Variants in UGT2B7 observed in about 807,000 individuals in gnomAD.
UGT2B7 encodes the protein UDP-glucuronosyltransferase 2B7.
UGT2B7 carries 51 observed loss-of-function variants against 51.9 expected under a neutral mutation model. That is an observed-to-expected ratio of 0.98 (90% CI 0.78 to 1.24). UGT2B7 has a LOEUF of 1.24. Among genes scored for constraint, UGT2B7 ranks in the 50% most tolerant of loss-of-function variants. UGT2B7 has a pLI of 0.00. For synonymous variants in UGT2B7, 225 were observed against 211.6 expected (o/e 1.06, Z -0.55); for missense variants, 727 against 628.4 (o/e 1.16, Z -1.68).
At chr4:69,091,537 G>A (rs749582014), upstream of UGT2B7, among the ~76,000 whole-genome samples, 4 of 151,920 alleles carry the variant, frequency 2.6e-5, no homozygotes, top group Non-Finnish European at 4.4e-5. Flanking sequence ...AAAATAAAGC[G>A]TGGCCATTCA....
At chr4:69,092,570 GAAAAAGTAAAATATAAAATAT>G (rs377337102), upstream of UGT2B7, among the ~76,000 whole-genome samples, 3,324 of 147,926 alleles carry the variant, frequency 0.022, 127 homozygotes, top group African/African-American at 0.078. Flanking sequence ...GACCTTTCTG[GAAAAAGTAAAATATAAAATAT>G]AAAAAGTAAA....
At chr4:69,091,905 G>C (rs1440868863), upstream of UGT2B7, among the ~76,000 whole-genome samples, 1 of 152,150 alleles carries the variant, frequency 6.6e-6, no homozygotes, top group Non-Finnish European at 1.5e-5. Flanking sequence ...ATAATCTTGA[G>C]AATTCAAATG....
At chr4:69,053,934 T>C (rs978715791) in intron 1 of UGT2B7, among the ~76,000 whole-genome samples, 2 of 152,022 alleles carry the variant, frequency 1.3e-5, no homozygotes, top group Non-Finnish European at 1.5e-5. Context: ...TAATAAGATA[T>C]CATAAAGCGA....
intron 1 of UGT2B7, among the ~76,000 whole-genome samples, chr4:69,060,209 A>G (rs1294487621): frequency 6.6e-6 from 1 of 152,192 alleles, no homozygotes; most frequent in African/African-American, 2.4e-5. Flanking sequence ...CAGGATATAA[A>G]GTGTCAGGGA....
At chr4:69,099,691 T>A (rs1241741048) in intron 2 of UGT2B7, among the ~76,000 whole-genome samples, 3 of 152,092 alleles carry the variant, frequency 2.0e-5, no homozygotes. Context: ...AAAGTGTCTC[T>A]GGAATATAGT....
At chr4:69,100,332 A>AT (rs35185848) in intron 2 of UGT2B7, among the ~76,000 whole-genome samples, 2 of 151,600 alleles carry the variant, frequency 1.3e-5, no homozygotes, top group Non-Finnish European at 2.9e-5. Context: ...ATAAGATTAT[A>AT]TTTTTTATGA....
At position 69,108,330 on chromosome 4, in the gene UGT2B7, G is replaced by T. The variant is rs765148488; in HGVS notation, c.1310+8G>T. 63 of 1,611,926 alleles carry T rather than the reference G, an allele frequency of 3.9e-5. No individual in the cohort carries two copies. The East Asian group carries it at 5.1e-4, about 13-fold the overall frequency. ...AGTAATTAATGATCCTTCGTGAGTA[G>T]AACAATATTTTTCACTAGGTGGTAT... On this transcript the variant is annotated splice_region_variant and intron_variant, in intron 5 of 5. Coordinates refer to ENST00000305231, the MANE Select transcript of UGT2B7 (RefSeq NM_001074.4).
chr4:69,059,388 C>T (rs1163023261), intron 1 of UGT2B7, among the ~76,000 whole-genome samples: 1 of 152,158 alleles, frequency 6.6e-6, no homozygotes, highest in Admixed American at 6.5e-5. Flanking sequence ...TGGGAAGAGA[C>T]CTACTTCAAA....
At chr4:69,080,951 T>C (rs1168374366) in intron 1 of UGT2B7, among the ~76,000 whole-genome samples, 1 of 151,854 alleles carries the variant, frequency 6.6e-6, no homozygotes, top group Non-Finnish European at 1.5e-5. Flanking sequence ...ATGTGTAACA[T>C]AAAAAAAACA....
At position 69,098,276 on chromosome 4, in the gene UGT2B7, T is replaced by C. The variant is rs148765474; in HGVS notation, c.722-264T>C. Reference sequence around the variant, plus strand: ...TCTATGGCTCATTTTAATAATTGTTTATGATTATGAGCATACTGATGCGAC... The same window carrying C: ...TCTATGGCTCATTTTAATAATTGTTCATGATTATGAGCATACTGATGCGAC... On this transcript the variant is annotated intron_variant, in intron 1 of 5. Transcript: ENST00000305231. 2.2e-4 allele frequency among the ~76,000 whole-genome samples: 33 copies of C among 152,168 alleles called. 1 individual carries two copies. The highest frequency in any genetic ancestry group is 7.5e-4 in the African/African-American group (31 of 41,560).
chr4:69,109,889 A>T lies in UGT2B7; in HGVS notation c.1310+1567A>T, dbSNP rs555437127. On this transcript the variant is annotated intron_variant, in intron 5 of 5. Coordinates refer to ENST00000305231, the MANE Select transcript of UGT2B7 (RefSeq NM_001074.4). ...AGGAATACTTGAAAAATACTTTATC[A>T]CAAAAAAAGAAGGATAATGAATGAT... is the stretch of plus-strand genomic sequence containing the variant. 4.6e-5 allele frequency among the ~76,000 whole-genome samples: 7 copies of T among 152,154 alleles called. No homozygotes were observed. The East Asian group carries it at 1.4e-3, about 29-fold the overall frequency.
chr4:69,066,686 A>G (rs1352977928), intron 1 of UGT2B7, among the ~76,000 whole-genome samples: 3 of 152,162 alleles, frequency 2.0e-5, no homozygotes, highest in Non-Finnish European at 2.9e-5. Flanking sequence ...TTTATTATAC[A>G]TAGTCACATT....
intron 1 of UGT2B7, among the ~76,000 whole-genome samples, chr4:69,078,477 T>G (rs1397956726): frequency 6.6e-6 from 1 of 152,174 alleles, no homozygotes; most frequent in East Asian, 1.9e-4. Flanking sequence ...ATTTCAGAAC[T>G]TGTTTTTTCT....
chr4:69,079,943 T>G (rs1431086571), intron 1 of UGT2B7, among the ~76,000 whole-genome samples: 1 of 152,176 alleles, frequency 6.6e-6, no homozygotes, highest in Non-Finnish European at 1.5e-5. Context: ...TAATATTTAT[T>G]GTCAAATATT....
Position 69,098,664 on chromosome 4 carries a change from C to A in UGT2B7, c.846C>A (p.Cys282Ter). 6 of 1,610,916 alleles carry A rather than the reference C, an allele frequency of 3.7e-6. No homozygotes were observed. Among genetic ancestry groups the A allele is most frequent in the African/African-American group, 1.3e-5 (1 of 74,764 alleles). Residue 282 changes from cysteine (C) to a stop codon, truncating the protein, a stop_gained, in exon 2 of 6, where the codon TGC (cysteine) becomes TGA (stop). Coordinates refer to ENST00000305231, the MANE Select transcript of UGT2B7 (RefSeq NM_001074.4). LOFTEE classifies it high-confidence loss of function. ...TTGATTTTGTTGGAGGACTCCACTG[C>A]AAACCTGCCAAACCCCTGCCTAAGG... ...PNVDFVGGLH[C>*]KPAKPLPKEM...
chr4:69,079,942 T>A (rs1301894332), intron 1 of UGT2B7, among the ~76,000 whole-genome samples: 2 of 152,168 alleles, frequency 1.3e-5, no homozygotes, highest in Non-Finnish European at 2.9e-5. Context: ...ATAATATTTA[T>A]TGTCAAATAT....
chr4:69,107,567 T>C (rs765480986), intron 4 of UGT2B7, among the ~76,000 whole-genome samples: 1 of 151,800 alleles, frequency 6.6e-6, no homozygotes, highest in East Asian at 1.9e-4. Flanking sequence ...ACTTTACACC[T>C]GTTTTTTTCC....
At position 69,096,553 on chromosome 4, in the gene UGT2B7, A is replaced by G. The variant is rs1719232289; in HGVS notation, c.33A>G (p.Leu11=). The change falls in exon 1 of 6, where the codon CTA becomes CTG. Residue 11 remains leucine (L), a synonymous_variant. Coordinates refer to ENST00000305231, the MANE Select transcript of UGT2B7 (RefSeq NM_001074.4). The stretch of plus-strand genomic sequence containing the variant: ...TGAAATGGACTTCAGTAATTTTGCT[A>G]ATACAACTGAGCTTTTGCTTTAGCT... MSVKWTSVIL[L]IQLSFCFSSG... 1 of 1,613,822 alleles carries G rather than the reference A, an allele frequency of 6.2e-7. No homozygotes were observed. Among genetic ancestry groups the G allele is most frequent in the African/African-American group, 1.3e-5 (1 of 74,914 alleles).
At position 69,063,866 on chromosome 4, in the gene UGT2B7, G is replaced by A. The variant is rs550656152; in HGVS notation, c.-159+12264G>A. Among the ~76,000 whole-genome samples, 20 of 151,912 alleles carry A rather than the reference G, an allele frequency of 1.3e-4. No individual in the cohort carries two copies. The South Asian group carries it at 3.9e-3, about 30-fold the overall frequency. ...CATCCAATCAATCACAGAATCCATC[G>A]TTAACAGAACCACCTCCACTCCACT... On this transcript the variant is annotated intron_variant, in intron 1 of 5. Coordinates refer to the UGT2B7 transcript ENST00000502942.
Sources: allele counts gnomAD v4.1 joint callset (sites outside exome capture counted in the v4.1 genomes callset), GRCh38; gene constraint gnomAD v4.1.1; transcripts MANE v1.5; gene names NCBI Gene and HGNC (gene_info 2026-07-23, HGNC 2026-07-21).